The following GNB5 variants were observed in gnomAD, a reference collection of about 807,000 sequenced individuals.
GNB5 encodes guanine nucleotide-binding protein subunit beta-5.
A neutral mutation model predicts 55.3 loss-of-function variants in GNB5; 37 were observed. The observed-to-expected ratio is 0.67, with a 90% CI of 0.51 to 0.88. GNB5 has a LOEUF of 0.88. Among genes scored for constraint, GNB5 ranks in the 40% least tolerant of loss-of-function variants. The pLI, the probability that GNB5 is intolerant of heterozygous loss-of-function variation, is 0.00. For synonymous variants in GNB5, 219 were observed against 198.5 expected (o/e 1.10, Z -0.87); for missense variants, 476 against 515.3 (o/e 0.92, Z 0.74).
chr15:52,139,956 GC>G (rs1216580612), intron 7 of GNB5: 2 of 1,281,566 alleles, frequency 1.6e-6, no homozygotes, highest in Admixed American at 4.6e-5. Flanking sequence ...GTCCTCTGTT[GC>G]TTTGGTTTGC....
At position 52,139,863 on chromosome 15, in the gene GNB5, G is replaced by A. The variant is rs184818028; in HGVS notation, c.627+1277C>T. 6.0e-5 allele frequency: 77 copies of A among 1,286,264 alleles called. No individual in the cohort carries two copies. In the East Asian group the frequency reaches 3.4e-3, roughly 57 times the overall value. The allele number at this position is 1,286,264 out of a possible 1,614,324, so 79.7% of individuals were successfully genotyped here. ...ACCCTGCCCCGGGGCAACACAGAGC[G>A]AGTCTGATGGGTCTCCACAGAGGGG... On this transcript the variant is annotated intron_variant, in intron 7 of 12. Coordinates refer to ENST00000261837, the MANE Select transcript of GNB5 (RefSeq NM_016194.4).
At chr15:52,140,617 C>T (rs1262154235) in intron 7 of GNB5, among the ~76,000 whole-genome samples, 3 of 152,188 alleles carry the variant, frequency 2.0e-5, no homozygotes, top group African/African-American at 2.4e-5. Context: ...AATAAATAAA[C>T]GATGCGGTGC....
At chr15:52,161,542 C>A (rs960538284) in intron 3 of GNB5, among the ~76,000 whole-genome samples, 1 of 152,184 alleles carries the variant, frequency 6.6e-6, no homozygotes, top group Non-Finnish European at 1.5e-5. Context: ...CTCAAGTGGT[C>A]CACCCACCTC....
At chr15:52,126,581 G>C (rs146309361) in intron 10 of GNB5, among the ~76,000 whole-genome samples, 10 of 152,208 alleles carry the variant, frequency 6.6e-5, no homozygotes, top group African/African-American at 2.4e-4. Flanking sequence ...CATAGTTATT[G>C]AATATATCAG....
intron 3 of GNB5, among the ~76,000 whole-genome samples, chr15:52,161,997 G>A (rs2034346429): frequency 1.3e-5 from 2 of 152,166 alleles, no homozygotes; most frequent in South Asian, 4.1e-4. Context: ...AGTGGAGGGA[G>A]GGTGACGGCC....
intron 3 of GNB5, among the ~76,000 whole-genome samples, chr15:52,157,549 G>A (rs1189121179): frequency 2.6e-5 from 4 of 152,090 alleles, no homozygotes; most frequent in African/African-American, 9.7e-5. Flanking sequence ...CAGCCATATA[G>A]GCCTTTTATA....
intron 7 of GNB5, chr15:52,137,128 T>G: frequency 1.5e-6 from 1 of 682,946 alleles, no homozygotes; most frequent in African/African-American, 1.9e-5. Flanking sequence ...AATTCCTCCA[T>G]TTTCAGAACC....
At chr15:52,178,229 G>A (rs889835827) in intron 3 of GNB5, among the ~76,000 whole-genome samples, 7 of 152,190 alleles carry the variant, frequency 4.6e-5, no homozygotes, top group Non-Finnish European at 7.3e-5. Flanking sequence ...GGGGACCTTC[G>A]GTAAGTCCTT....
At chr15:52,151,769 T>C (rs185370740) in intron 4 of GNB5, among the ~76,000 whole-genome samples, 187 of 152,316 alleles carry the variant, frequency 1.2e-3, no homozygotes, top group Non-Finnish European at 2.5e-3. Flanking sequence ...AAGCACCTTA[T>C]AAGAATAAGC....
intron 12 of GNB5, chr15:52,123,753 G>A (rs1265842192): frequency 6.6e-6 from 1 of 152,044 alleles, no homozygotes; most frequent in Admixed American, 6.6e-5. Context: ...ATGTTGCCCA[G>A]GCTGGTCTGG....
chr15:52,179,149 C>T (rs186624957), intron 3 of GNB5, among the ~76,000 whole-genome samples: 31 of 152,316 alleles, frequency 2.0e-4, no homozygotes, highest in African/African-American at 7.2e-4. Flanking sequence ...CAATCCACCA[C>T]ATCGATCCAA....
chr15:52,117,102 A>ATATTTTTTTTTTTTTTTTTT lies in GNB5; in HGVS notation c.*5654_*5655insAAAAAAAAAAAAAAAAAATA. 2 of 87,102 alleles carry ATATTTTTTTTTTTTTTTTTT rather than the reference A, an allele frequency of 2.3e-5. No homozygotes were observed. The highest frequency in any genetic ancestry group is 1.2e-4 in the African/African-American group (2 of 16,420). 5.4% of individuals were successfully genotyped at this position (87,102 alleles called of 1,614,324 possible). On this transcript the variant is annotated 3_prime_UTR_variant, in exon 13 of 13. Transcript: ENST00000261837. ...CCACGCCCAGCTAATATATATATAT[A>ATATTTTTTTTTTTTTTTTTT]TTTTTTTTTAGTACAGACAGGGTTT...
In GNB5 at chr15:52,120,441, A is replaced by G. The variant is rs2033237636; in HGVS notation, c.*2316T>C. ...GGGGAGTGGAAGCATTCTCTGGAAT[A>G]CTTTCCCTGGGCCCTTAAAGTGGCT... On this transcript the variant is annotated 3_prime_UTR_variant, in exon 13 of 13. Coordinates refer to ENST00000261837, the MANE Select transcript of GNB5 (RefSeq NM_016194.4). 1 of 152,186 alleles carries G rather than the reference A, an allele frequency of 6.6e-6. No homozygotes were observed. Among genetic ancestry groups the G allele is most frequent in the African/African-American group, 2.4e-5 (1 of 41,436 alleles). 9.4% of individuals were successfully genotyped at this position (152,186 alleles called of 1,614,324 possible).
chr15:52,184,630 T>G lies in GNB5; in HGVS notation c.47A>C (p.Lys16Thr). The change falls in exon 2 of 13, where the codon AAA becomes ACA. Residue 16 changes from lysine (K) to threonine (T), a missense_variant. Coordinates refer to ENST00000261837, the MANE Select transcript of GNB5 (RefSeq NM_016194.4). The stretch of plus-strand genomic sequence containing the variant: ...TCTCAGAGCTCGTTGTTTGAAACAT[T>G]TGTCACATGAGCCAAATACATTAAC... ...FLVNVFGSCDKCFKQRALRPV... is the reference protein window; with the variant it reads ...FLVNVFGSCDTCFKQRALRPV... 4.3e-6 allele frequency: 7 copies of G among 1,613,392 alleles called. No homozygotes were observed. The highest frequency in any genetic ancestry group is 5.9e-6 in the Non-Finnish European group (7 of 1,179,312).
rs199753037 is a variant in GNB5 at position 52,135,730 on chromosome 15, T to C, written c.654A>G (p.Thr218=). The C allele has an allele frequency of 6.5e-5, 105 of 1,612,714 alleles. No individual in the cohort carries two copies. Among genetic ancestry groups the C allele is most frequent in the Non-Finnish European group, 8.5e-5 (100 of 1,179,864 alleles). ...MQILTASGDG[T]CALWDVESGQ... ...CGCTCTCCACGTCCCACAGGGCACATGTGCCATCGCCGCTCGCTGTCAGGA... is the reference window on the plus strand; with the variant it reads ...CGCTCTCCACGTCCCACAGGGCACACGTGCCATCGCCGCTCGCTGTCAGGA... Residue 218 remains threonine (T), a synonymous_variant, in exon 8 of 13, where the codon ACA becomes ACG. Coordinates refer to ENST00000261837, the MANE Select transcript of GNB5 (RefSeq NM_016194.4).
In GNB5 at chr15:52,124,541, C is replaced by G. The variant is rs763538889; in HGVS notation, c.1108G>C (p.Val370Leu). The G allele has an allele frequency of 1.9e-5, 30 of 1,613,686 alleles. No homozygotes were observed. Among genetic ancestry groups the G allele is most frequent in the Non-Finnish European group, 2.5e-5 (29 of 1,179,658 alleles). The change falls in exon 12 of 13, where the codon GTT becomes CTT. Residue 370 changes from valine to leucine, a missense_variant. Coordinates refer to ENST00000261837, the MANE Select transcript of GNB5 (RefSeq NM_016194.4). ...TCGGGGGAAACTCGTAGAGTGCTAACGCGGTTTTCATGTCCAAACAGGATG... is the reference window on the plus strand; with the variant it reads ...TCGGGGGAAACTCGTAGAGTGCTAAGGCGGTTTTCATGTCCAAACAGGATG... Reference protein sequence around the residue: ...VSILFGHENRVSTLRVSPDGT... With the variant: ...VSILFGHENRLSTLRVSPDGT...
intron 2 of GNB5, chr15:52,180,983 G>C (rs564772268): frequency 2.0e-5 from 3 of 152,234 alleles, no homozygotes; most frequent in African/African-American, 7.2e-5. Flanking sequence ...CTGGACTTTG[G>C]TGTGGATGAT....
At chr15:52,179,595 G>A (rs1171269418) in intron 3 of GNB5, among the ~76,000 whole-genome samples, 173 bp downstream of exon 3, 1 of 151,582 alleles carries the variant, frequency 6.6e-6, no homozygotes, top group African/African-American at 2.4e-5. Context: ...CGGGGATCGG[G>A]ACCGCTACCC....
intron 4 of GNB5, 28 bp from the exon 5 acceptor site, chr15:52,149,953 G>A (rs375416434): frequency 3.2e-5 from 51 of 1,571,940 alleles, no homozygotes; most frequent in Non-Finnish European, 4.3e-5. Flanking sequence ...AACAGTTTAG[G>A]GGTTGTCAAG....
Sources: gnomAD v4.1 joint callset for allele counts (sites outside exome capture counted in the v4.1 genomes callset) on GRCh38, gnomAD v4.1.1 for gene constraint, MANE v1.5 for transcripts, NCBI Gene and HGNC (gene_info 2026-07-23, HGNC 2026-07-21) for gene names.